Variants in MKLN1 observed in about 807,000 individuals in gnomAD.
MKLN1 encodes the protein muskelin 1.
Under a neutral mutation model 99.0 loss-of-function variants are expected in MKLN1, and 18 were observed. The ratio of observed to expected loss-of-function variants is 0.18; its 90% CI spans 0.13 to 0.27. MKLN1 has a LOEUF of 0.27. Ranked by LOEUF, MKLN1 falls within the 10% of genes least tolerant of loss-of-function variation. MKLN1 has a pLI of 1.00. For missense variants in MKLN1, 621 were observed against 875.9 expected (o/e 0.71, Z 3.67); for synonymous variants, 288 against 293.2 (o/e 0.98, Z 0.18).
At chr7:131,156,353 C>T (rs911623674) in intron 2 of MKLN1, among the ~76,000 whole-genome samples, 2 of 151,032 alleles carry the variant, frequency 1.3e-5, no homozygotes, top group African/African-American at 2.4e-5. Flanking sequence ...CGGTGAAACC[C>T]CGTCTCTACT....
chr7:131,486,115 G>GAA (rs1404586394), intron 17 of MKLN1, among the ~76,000 whole-genome samples: 2 of 151,722 alleles, frequency 1.3e-5, no homozygotes, highest in Non-Finnish European at 2.9e-5. Flanking sequence ...GAGAGAGAGA[G>GAA]AACATATTTG....
intron 17 of MKLN1, among the ~76,000 whole-genome samples, chr7:131,482,234 A>G (rs1684174): frequency 0.55 from 83,709 of 152,010 alleles, 23,545 homozygotes; most frequent in East Asian, 0.69. Flanking sequence ...TTGCTCTGAT[A>G]CTTAGGCTGG....
intron 3 of MKLN1, among the ~76,000 whole-genome samples, chr7:131,246,012 C>T (rs1469661320): frequency 2.0e-5 from 3 of 152,198 alleles, no homozygotes; most frequent in Non-Finnish European, 4.4e-5. Context: ...GCCCTAGGGC[C>T]GCACTTCTGA....
rs35683021 is a variant in MKLN1 at position 131,429,802 on chromosome 7, G to A, written c.960+657G>A. On this transcript the variant is annotated intron_variant, in intron 9 of 17. Coordinates refer to ENST00000352689, the MANE Select transcript of MKLN1 (RefSeq NM_013255.5). ...TCACCATGTTAACCAGGATGGTCTC[G>A]ATCTCCTGACCTCGTGATCCACCCG... Among the ~76,000 whole-genome samples, 4 of 152,022 alleles carry A rather than the reference G, an allele frequency of 2.6e-5. No individual in the cohort carries two copies. In the South Asian group the frequency reaches 6.2e-4, roughly 24 times the overall value.
At chr7:131,158,002 C>G (rs1052286015) in intron 2 of MKLN1, among the ~76,000 whole-genome samples, 1 of 152,204 alleles carries the variant, frequency 6.6e-6, no homozygotes, top group African/African-American at 2.4e-5. Flanking sequence ...TGGCCACCTG[C>G]CTATCCATGC....
At chr7:131,327,869 G>T (rs546626136), upstream of MKLN1, 106 of 1,606,338 alleles carry the variant, frequency 6.6e-5, no homozygotes, top group Non-Finnish European at 8.3e-5. Flanking sequence ...CGCTGCCAGC[G>T]GTCGGTGGCG....
At chr7:131,426,512 T>C (rs1795362439) in intron 8 of MKLN1, among the ~76,000 whole-genome samples, 1 of 152,212 alleles carries the variant, frequency 6.6e-6, no homozygotes, top group South Asian at 2.1e-4. Flanking sequence ...AGAATGTTAC[T>C]TAACGATGAT....
intron 1 of MKLN1, among the ~76,000 whole-genome samples, chr7:131,358,479 G>A (rs1295819692): frequency 6.6e-6 from 1 of 152,106 alleles, no homozygotes; most frequent in Non-Finnish European, 1.5e-5. Context: ...ATAAGAGATT[G>A]GCTGGAGGTT....
chr7:131,434,615 A>G (rs1795624533), intron 9 of MKLN1, among the ~76,000 whole-genome samples: 1 of 151,962 alleles, frequency 6.6e-6, no homozygotes, highest in African/African-American at 2.4e-5. Flanking sequence ...GTGCAGTGAC[A>G]TGATCATGGC....
chr7:131,285,371 T>C (rs1198737526), intron 3 of MKLN1, among the ~76,000 whole-genome samples: 1 of 152,212 alleles, frequency 6.6e-6, no homozygotes, highest in East Asian at 1.9e-4. Flanking sequence ...AGACACGGGA[T>C]GCGCTCATAC....
intron 16 of MKLN1, among the ~76,000 whole-genome samples, chr7:131,475,983 A>G (rs960917511): frequency 2.6e-5 from 4 of 152,194 alleles, no homozygotes; most frequent in Non-Finnish European, 5.9e-5. Context: ...TTCTAGGAAT[A>G]TATGGCTAGT....
At chr7:131,142,977 T>C in intron 2 of MKLN1, 1 of 1,293,418 alleles carries the variant, frequency 7.7e-7, no homozygotes, top group Non-Finnish European at 1.0e-6. Flanking sequence ...CTTTCTTTAG[T>C]TGTCAAAAAA....
chr7:131,112,244 T>G (rs879372883), intron 1 of MKLN1, among the ~76,000 whole-genome samples: 4 of 152,204 alleles, frequency 2.6e-5, no homozygotes, highest in Admixed American at 2.6e-4. Flanking sequence ...TAAATGAAAG[T>G]GCTGGACTAA....
rs1563351900 is a variant in MKLN1, at chr7:131,444,749, AGTAGTAGTAGAAGAAGTAGT to A, written c.1396-1024_1396-1005del. On this transcript the variant is annotated intron_variant, in intron 11 of 17. Transcript: ENST00000352689. ...TAGTAGTAGTAGTAGTAGTAGTAGT[AGTAGTAGTAGAAGAAGTAGT>A]AGTAGTAGTAGTAGTAGTAGTAGTA... Among the ~76,000 whole-genome samples, 710 of 103,578 alleles carry A rather than the reference AGTAGTAGTAGAAGAAGTAGT, an allele frequency of 6.9e-3. 7 individuals are homozygous for A. Among genetic ancestry groups the A allele is most frequent in the African/African-American group, 0.021 (565 of 26,972 alleles). 68.0% of individuals were successfully genotyped at this position (103,578 alleles called of 152,430 possible).
chr7:131,461,454 G>GGT (rs150625082), intron 12 of MKLN1, among the ~76,000 whole-genome samples: 46 of 150,742 alleles, frequency 3.1e-4, no homozygotes, highest in Non-Finnish European at 4.1e-4. Context: ...CAAATTGTAT[G>GGT]GTGTGTGTGT....
intron 3 of MKLN1, among the ~76,000 whole-genome samples, chr7:131,254,211 C>CA (rs1797623975): frequency 6.6e-6 from 1 of 152,226 alleles, no homozygotes; most frequent in South Asian, 2.1e-4. Flanking sequence ...TTTTGAGGAG[C>CA]AACGTTAAGA....
intron 2 of MKLN1, among the ~76,000 whole-genome samples, chr7:131,175,898 CA>C (rs35669557): frequency 7.0e-6 from 1 of 143,808 alleles, no homozygotes; most frequent in African/African-American, 2.5e-5. Context: ...AGACTCCACT[CA>C]AAAAAAAACC....
chr7:131,439,215 A>G (rs1338372556), intron 10 of MKLN1, among the ~76,000 whole-genome samples: 1 of 152,138 alleles, frequency 6.6e-6, no homozygotes, highest in Non-Finnish European at 1.5e-5. Flanking sequence ...ATCAGCAGAT[A>G]ATATTGTTAG....
At position 131,372,879 on chromosome 7, in the gene MKLN1, TTTTTCTTTC is replaced by T. The variant is rs568977791; in HGVS notation, c.99-2532_99-2524del. Among the ~76,000 whole-genome samples, 320 of 152,062 alleles carry T rather than the reference TTTTTCTTTC, an allele frequency of 2.1e-3. 1 individual carries two copies. Among genetic ancestry groups the T allele is most frequent in the African/African-American group, 7.2e-3 (299 of 41,566 alleles). Reference sequence around the variant, plus strand: ...TTAGGCAATTAATCTTTTCTTTTTCTTTTTCTTTCTTTTCTTTCTTTGCTCCCTTCCCTA... The same window carrying T: ...TTAGGCAATTAATCTTTTCTTTTTCTTTTTCTTTCTTTGCTCCCTTCCCTA... On this transcript the variant is annotated intron_variant, in intron 1 of 17. Coordinates refer to ENST00000352689, the MANE Select transcript of MKLN1 (RefSeq NM_013255.5).
Sources: allele counts gnomAD v4.1 joint callset (sites outside exome capture counted in the v4.1 genomes callset), GRCh38; gene constraint gnomAD v4.1.1; transcripts MANE v1.5; gene names NCBI Gene and HGNC (gene_info 2026-07-23, HGNC 2026-07-21).